The following NPR1 variants were observed in gnomAD, a reference collection of about 807,000 sequenced individuals.
NPR1 encodes atrial natriuretic peptide receptor 1.
In NPR1, 57 loss-of-function variants were observed where a neutral mutation model predicts 116.9. The observed-to-expected ratio is 0.49, with a 90% confidence interval of 0.39 to 0.61. The LOEUF (loss-of-function observed/expected upper bound fraction) is 0.61, where lower values mean the gene tolerates loss of function less well. Among genes scored for constraint, NPR1 ranks in the 20% least tolerant of loss-of-function variants. The probability of loss-of-function intolerance (pLI) is 0.00; values close to 1 mark genes in which losing one functional copy is unlikely to be tolerated. For synonymous variants in NPR1, 555 were observed against 601.6 expected (o/e 0.92, Z 1.13); for missense variants, 1,096 against 1,409.8 (o/e 0.78, Z 3.56).
Position 153,679,928 on chromosome 1 carries a change from T to G in NPR1, c.721+99T>G. On this transcript the variant is annotated intron_variant, in intron 1 of 21. Coordinates refer to ENST00000368680, the MANE Select transcript of NPR1 (RefSeq NM_000906.4). This position sits in a 1 kb window ranked among gnomAD's most constrained non-coding sequence, Gnocchi z 4.2. ...CTTTCTCTCTCATCTGGGGGCACTCTTCTTTCTCCTCGCCGTTCTTCATTC... is the reference window on the plus strand; with the variant it reads ...CTTTCTCTCTCATCTGGGGGCACTCGTCTTTCTCCTCGCCGTTCTTCATTC... 1.4e-6 allele frequency: 2 copies of G among 1,424,766 alleles called. No individual in the cohort carries two copies. The highest frequency in any genetic ancestry group is 2.6e-5 in the South Asian group (2 of 75,510). The allele number at this position is 1,424,766 out of a possible 1,614,324, so 88.3% of individuals were successfully genotyped here. A position where few individuals can be genotyped will look rare whatever the true frequency, so the allele number is the denominator to read the frequency against.
Position 153,679,203 on chromosome 1 carries a change from C to T in NPR1, c.95C>T (p.Ala32Val). The change falls in exon 1 of 22, where the codon GCG (alanine) becomes GTG (valine). Residue 32 changes from alanine (A) to valine (V), a missense_variant. Physicochemically the swap from Ala to Val is moderately conservative, Grantham distance 64. Transcript: ENST00000368680. The surrounding 1 kb of genome is among the most constrained non-coding windows in gnomAD (Gnocchi z 4.2). ...PLLLLLRGSHAGNLTVAVVLP... is the reference protein window; with the variant it reads ...PLLLLLRGSHVGNLTVAVVLP... Reference sequence around the variant, plus strand: ...CTGCTGCTGCTCCGGGGCAGCCACGCGGGCAACCTGACGGTAGCCGTGGTA... The same window carrying T: ...CTGCTGCTGCTCCGGGGCAGCCACGTGGGCAACCTGACGGTAGCCGTGGTA... 1 of 1,514,532 alleles carries T rather than the reference C, an allele frequency of 6.6e-7. No individual in the cohort carries two copies. The highest frequency in any genetic ancestry group is 8.8e-7 in the Non-Finnish European group (1 of 1,136,382). 93.8% of individuals were successfully genotyped at this position (1,514,532 alleles called of 1,614,324 possible). A position where few individuals can be genotyped will look rare whatever the true frequency, so the allele number is the denominator to read the frequency against.
intron 8 of NPR1, 56 bp from the exon 9 acceptor site, chr1:153,685,750 C>A: frequency 1.5e-6 from 2 of 1,320,168 alleles, no homozygotes; most frequent in Non-Finnish European, 2.2e-6. Context: ...CACAAGCAAT[C>A]AGGATGCAGA....
intron 20 of NPR1, among the ~76,000 whole-genome samples, chr1:153,690,668 G>A (rs933744178): frequency 6.6e-6 from 1 of 152,038 alleles, no homozygotes; most frequent in African/African-American, 2.4e-5. Context: ...TGGGCCGGGC[G>A]TGGTGACTCA....
At chr1:153,687,907 C>T in intron 14 of NPR1, 118 bp downstream of exon 14, 2 of 1,199,144 alleles carry the variant, frequency 1.7e-6, no homozygotes, top group South Asian at 3.0e-5. Flanking sequence ...TCAGTCACCA[C>T]CCTTTGACCC....
intron 7 of NPR1, among the ~76,000 whole-genome samples, chr1:153,684,517 A>G (rs1669874073): frequency 7.0e-6 from 1 of 143,864 alleles, no homozygotes; most frequent in South Asian, 2.2e-4. Context: ...TCAGCCTCCC[A>G]TGTAGCTGGG....
rs1381107260 is a variant in NPR1, at chr1:153,679,806, G to A, written c.698G>A (p.Arg233Gln). 1.0e-5 allele frequency: 16 copies of A among 1,544,380 alleles called. No individual in the cohort carries two copies. Among genetic ancestry groups the A allele is most frequent in the Admixed American group, 3.9e-5 (2 of 51,298 alleles). Residue 233 changes from arginine (R) to glutamine (Q), a missense_variant, in exon 1 of 22, where the codon CGG (arginine) becomes CAG (glutamine). Arg to Gln is a conservative substitution (Grantham distance 43). Transcript: ENST00000368680. This position sits in a 1 kb window ranked among gnomAD's most constrained non-coding sequence, Gnocchi z 4.2. ...CTCAGCCACTACACCAGGCTGCTGC[G>A]GACCATGCCGCGCAAAGGCCGAGGT... ...DDLSHYTRLL[R>Q]TMPRKGRVIY...
At chr1:153,688,031 C>T (rs1301508810) in intron 14 of NPR1, 22 bp from the exon 15 acceptor site, 32 of 1,544,342 alleles carry the variant, frequency 2.1e-5, no homozygotes, top group African/African-American at 2.8e-5. Flanking sequence ...CACCCCTCAG[C>T]TCCTCTACCC....
chr1:153,681,084 G>A (rs542885708), intron 2 of NPR1, 96 bp from the exon 3 acceptor site: 22 of 738,210 alleles, frequency 3.0e-5, no homozygotes, highest in South Asian at 9.4e-5. Context: ...AAGCAGAGAC[G>A]CAGCTCTGGG....
Position 153,689,373 on chromosome 1 carries a change from C to G in NPR1, c.2688+62C>G. ...CAGCATCTGGATCCCACCAGACCTGCCTTCTGGTTCTGCTTTACCCACCTG... is the reference window on the plus strand; with the variant it reads ...CAGCATCTGGATCCCACCAGACCTGGCTTCTGGTTCTGCTTTACCCACCTG... On this transcript the variant is annotated intron_variant, in intron 17 of 21. Transcript: ENST00000368680. This position sits in a 1 kb window ranked among gnomAD's most constrained non-coding sequence, Gnocchi z 5.1. The G allele has an allele frequency of 6.2e-7, 1 of 1,613,374 alleles. No homozygotes were observed. Among genetic ancestry groups the G allele is most frequent in the Non-Finnish European group, 8.5e-7 (1 of 1,179,324 alleles).
chr1:153,681,644 A>G (rs1342471639), intron 3 of NPR1, 60 bp from the exon 4 acceptor site: 1 of 1,577,894 alleles, frequency 6.3e-7, no homozygotes, highest in Non-Finnish European at 8.6e-7. Flanking sequence ...CCTTCCCCAC[A>G]GCTCCCACCT....
Position 153,681,432 on chromosome 1 carries a change from TGGA to T in NPR1, c.1035+146_1035+148del, listed in dbSNP as rs1669778137. On this transcript the variant is annotated intron_variant, in intron 3 of 21. Coordinates refer to ENST00000368680, the MANE Select transcript of NPR1 (RefSeq NM_000906.4). The stretch of plus-strand genomic sequence containing the variant: ...CATTGTTCCATGTTTCTCGTGATGA[TGGA>T]GGAGGACACTGGCAAGTTCAGCCTC... 6.1e-6 allele frequency: 4 copies of T among 659,558 alleles called. No individual in the cohort carries two copies. The Admixed American group carries it at 1.1e-4, about 18-fold the overall frequency. The allele number at this position is 659,558 out of a possible 1,614,324, so 40.9% of individuals were successfully genotyped here. A position where few individuals can be genotyped will look rare whatever the true frequency, so the allele number is the denominator to read the frequency against.
Position 153,684,374 on chromosome 1 carries a change from ATTTC to A in NPR1, c.1484+562_1484+565del, listed in dbSNP as rs1669867398. ...TGTGCCAGGCACTTCCACGTACACT[ATTTC>A]TTTCTTTCTTTTTTTTTTTTTTTTT... On this transcript the variant is annotated intron_variant, in intron 7 of 21. Transcript: ENST00000368680. Among the ~76,000 whole-genome samples the A allele has an allele frequency of 3.2e-5, 4 of 124,604 alleles. No individual in the cohort carries two copies. In the East Asian group the frequency reaches 7.8e-4, roughly 24 times the overall value. The allele number at this position is 124,604 out of a possible 152,430, so 81.7% of individuals were successfully genotyped here. A position where few individuals can be genotyped will look rare whatever the true frequency, so the allele number is the denominator to read the frequency against.
At position 153,679,329 on chromosome 1, in the gene NPR1, C is replaced by G; in HGVS notation, c.221C>G (p.Pro74Arg). The change falls in exon 1 of 22, where the codon CCG becomes CGG. Residue 74 changes from proline to arginine, a missense_variant. Coordinates refer to ENST00000368680, the MANE Select transcript of NPR1 (RefSeq NM_000906.4). The surrounding 1 kb of genome is among the most constrained non-coding windows in gnomAD (Gnocchi z 4.2). ...AQVKARPDLL[P>R]GWTVRTVLGS... Reference sequence around the variant, plus strand: ...GTGAAGGCGCGCCCCGACTTGCTGCCGGGCTGGACGGTCCGCACGGTGCTG... The same window carrying G: ...GTGAAGGCGCGCCCCGACTTGCTGCGGGGCTGGACGGTCCGCACGGTGCTG... 1 of 1,534,546 alleles carries G rather than the reference C, an allele frequency of 6.5e-7. No homozygotes were observed. The highest frequency in any genetic ancestry group is 8.7e-7 in the Non-Finnish European group (1 of 1,146,702).
In NPR1 at chr1:153,678,762, T is replaced by A. The variant is rs1669668845; in HGVS notation, c.-347T>A. The A allele has an allele frequency of 3.1e-6, 1 of 318,914 alleles. No individual in the cohort carries two copies. Among genetic ancestry groups the A allele is most frequent in the African/African-American group, 2.2e-5 (1 of 45,920 alleles). 19.8% of individuals were successfully genotyped at this position (318,914 alleles called of 1,614,324 possible). A position where few individuals can be genotyped will look rare whatever the true frequency, so the allele number is the denominator to read the frequency against. ...TTCCTCCCTCGCGCGCCCTCTCTCATCCTTCTTCACGAAGCGCTCACTCGC... is the reference window on the plus strand; with the variant it reads ...TTCCTCCCTCGCGCGCCCTCTCTCAACCTTCTTCACGAAGCGCTCACTCGC... On this transcript the variant is annotated 5_prime_UTR_variant, in exon 1 of 22. Transcript: ENST00000368680. This position sits in a 1 kb window ranked among gnomAD's most constrained non-coding sequence, Gnocchi z 5.8.
intron 19 of NPR1, 29 bp from the exon 20 acceptor site, chr1:153,690,255 G>A: frequency 6.5e-7 from 1 of 1,529,120 alleles, no homozygotes; most frequent in South Asian, 1.2e-5. Flanking sequence ...CTCGCTGATG[G>A]GCTCTGCTCC....
rs1669884513 is a variant in NPR1, at chr1:153,684,945, T to C, written c.1485-19T>C. On this transcript the variant is annotated intron_variant, in intron 7 of 21. Coordinates refer to ENST00000368680, the MANE Select transcript of NPR1 (RefSeq NM_000906.4). ...TCAGCGGCTCAGCCACAGGCTCAGA[T>C]GCAGCCTTCGTATCCCAGGAAGATG... is the stretch of plus-strand genomic sequence containing the variant. 6.2e-7 allele frequency: 1 copy of C among 1,613,722 alleles called. No homozygotes were observed. Among genetic ancestry groups the C allele is most frequent in the Non-Finnish European group, 8.5e-7 (1 of 1,179,752 alleles).
At position 153,685,882 on chromosome 1, in the gene NPR1, T is replaced by C; in HGVS notation, c.1680+2T>C. ...TTTGCCAAGACAGCATATTATAAGG[T>C]GGGCCTGGGGAAAGATCACTGGGCC... is the stretch of plus-strand genomic sequence containing the variant. On this transcript the variant is annotated splice_donor_variant, in intron 9 of 21. Transcript: ENST00000368680. LOFTEE classifies it high-confidence loss of function. 1 of 1,613,182 alleles carries C rather than the reference T, an allele frequency of 6.2e-7. No homozygotes were observed. The highest frequency in any genetic ancestry group is 8.5e-7 in the Non-Finnish European group (1 of 1,179,468).
At chr1:153,682,043 A>G (rs549071984) in intron 4 of NPR1, among the ~76,000 whole-genome samples, 1 of 149,628 alleles carries the variant, frequency 6.7e-6, no homozygotes, top group East Asian at 1.9e-4. Flanking sequence ...GAGTTCTTTT[A>G]CCTTTCTTTT....
At chr1:153,684,347 T>C (rs997856931) in intron 7 of NPR1, among the ~76,000 whole-genome samples, 12 of 151,584 alleles carry the variant, frequency 7.9e-5, no homozygotes, top group African/African-American at 2.9e-4. Flanking sequence ...GAGCATATAA[T>C]GTGTGCCAGG....
Sources: gnomAD v4.1 joint callset for allele counts (sites outside exome capture counted in the v4.1 genomes callset) on GRCh38, gnomAD v4.1.1 for gene constraint, Gnocchi (gnomAD v3.1) non-coding constraint, MANE v1.5 for transcripts, NCBI Gene and HGNC (gene_info 2026-07-23, HGNC 2026-07-21) for gene names.